Variants in PALM2AKAP2 observed in about 807,000 individuals in gnomAD.
PALM2AKAP2 encodes PALM2-AKAP2 fusion protein.
In PALM2AKAP2, 37 loss-of-function variants were observed where a neutral mutation model predicts 71.5. That is an observed-to-expected ratio of 0.52 (90% CI 0.40 to 0.68). The LOEUF is 0.68. Ranked by LOEUF, PALM2AKAP2 falls within the 30% of genes least tolerant of loss-of-function variation. The probability of loss-of-function intolerance (pLI) is 0.00; values close to 1 mark genes in which losing one functional copy is unlikely to be tolerated. For missense variants in PALM2AKAP2, 1,224 were observed against 1,191.8 expected, an observed-to-expected ratio of 1.03 and a Z score of -0.40; for synonymous variants, 468 against 478.8, an observed-to-expected ratio of 0.98 and a Z score of 0.29.
intron 1 of PALM2AKAP2, among the ~76,000 whole-genome samples, chr9:109,761,151 T>G (rs1380991014): frequency 6.6e-6 from 1 of 152,212 alleles, no homozygotes; most frequent in African/African-American, 2.4e-5. Context: ...AGGCTATACA[T>G]AAAATGGTTT....
rs533594522 is a variant in PALM2AKAP2, at chr9:109,947,797, A to G, written c.496+15769A>G. ...ATCATTCCAAAGTGAGCCATTTCAC[A>G]TTGCATTTTTGCCACATGCACATTT... On this transcript the variant is annotated intron_variant, in intron 6 of 9. Coordinates refer to the PALM2AKAP2 transcript ENST00000302798. Among the ~76,000 whole-genome samples, 5 of 152,340 alleles carry G rather than the reference A, an allele frequency of 3.3e-5. No individual in the cohort carries two copies. The South Asian group carries it at 1.0e-3, about 32-fold the overall frequency.
At chr9:109,789,387 C>T (rs771215461) in intron 1 of PALM2AKAP2, among the ~76,000 whole-genome samples, 1 of 152,168 alleles carries the variant, frequency 6.6e-6, no homozygotes, top group Non-Finnish European at 1.5e-5. Flanking sequence ...GAAGCAGCAA[C>T]TGATGTTCAT....
At chr9:109,906,599 CTATAA>C (rs1830452224) in intron 3 of PALM2AKAP2, among the ~76,000 whole-genome samples, 1 of 152,220 alleles carries the variant, frequency 6.6e-6, no homozygotes, top group African/African-American at 2.4e-5. Flanking sequence ...CATCATTATA[CTATAA>C]AAATCAATAA....
chr9:109,720,667 T>C (rs917898410), intron 1 of PALM2AKAP2, among the ~76,000 whole-genome samples: 1 of 152,192 alleles, frequency 6.6e-6, no homozygotes, highest in Non-Finnish European at 1.5e-5. Context: ...ACTTACACAG[T>C]GATTTAAAGT....
chr9:109,977,670 C>T (rs1832194731), intron 6 of PALM2AKAP2, among the ~76,000 whole-genome samples: 1 of 152,208 alleles, frequency 6.6e-6, no homozygotes, highest in South Asian at 2.1e-4. Flanking sequence ...CATTTACTGA[C>T]ATACATATCC....
chr9:110,161,171 C>T (rs1348466268), intron 3 of PALM2AKAP2, among the ~76,000 whole-genome samples: 1 of 152,198 alleles, frequency 6.6e-6, no homozygotes. Context: ...TGTCAGCTCC[C>T]AGCCATTAGC....
At chr9:109,740,677 C>T (rs2476931) in intron 1 of PALM2AKAP2, among the ~76,000 whole-genome samples, 22,347 of 152,152 alleles carry the variant, frequency 0.15, 2,059 homozygotes, top group Non-Finnish European at 0.21. Context: ...TCTTTTTAGA[C>T]GGAGTCTCAC....
chr9:109,740,531 C>A (rs555412729), intron 1 of PALM2AKAP2, among the ~76,000 whole-genome samples: 1 of 152,172 alleles, frequency 6.6e-6, no homozygotes, highest in Admixed American at 6.5e-5. Flanking sequence ...GGAGACTGCT[C>A]GGTATGTCCA....
intron 1 of PALM2AKAP2, among the ~76,000 whole-genome samples, chr9:109,760,844 T>C (rs1829039995): frequency 6.6e-6 from 1 of 152,238 alleles, no homozygotes; most frequent in Non-Finnish European, 1.5e-5. Flanking sequence ...TGGGAGTTTT[T>C]TTCAACTGTT....
rs142667306 is a variant in PALM2AKAP2 at position 110,156,589 on chromosome 9, G to A, written c.2748+92G>A. 2.1e-4 allele frequency: 301 copies of A among 1,424,112 alleles called. 2 individuals are homozygous for A. The African/African-American group carries it at 3.8e-3, about 18-fold the overall frequency. The allele number at this position is 1,424,112 out of a possible 1,614,324, so 88.2% of individuals were successfully genotyped here. ...CAGTTCAGGCACAAATGTGTATGTC[G>A]TTGTCTGGTCAGCATTAGGGTTCCA... On this transcript the variant is annotated intron_variant, in intron 3 of 3. Transcript: ENST00000374525.
intron 2 of PALM2AKAP2, among the ~76,000 whole-genome samples, chr9:110,146,273 C>T (rs1318610098): frequency 2.6e-5 from 4 of 152,160 alleles, no homozygotes; most frequent in African/African-American, 9.7e-5. Context: ...GTTACAGCTT[C>T]TGGGCAGCAG....
chr9:109,794,953 C>T (rs1044956260), intron 1 of PALM2AKAP2, among the ~76,000 whole-genome samples: 1 of 152,210 alleles, frequency 6.6e-6, no homozygotes, highest in African/African-American at 2.4e-5. Context: ...GATGGACAGC[C>T]TTTGCTTTTC....
chr9:109,937,484 C>A (rs936020690), intron 6 of PALM2AKAP2, among the ~76,000 whole-genome samples: 44 of 152,062 alleles, frequency 2.9e-4, no homozygotes, highest in African/African-American at 9.9e-4. Context: ...TAGCAACATT[C>A]GTTCTTACTC....
intron 6 of PALM2AKAP2, among the ~76,000 whole-genome samples, chr9:109,965,457 A>C (rs1328353307): frequency 6.6e-6 from 1 of 152,254 alleles, no homozygotes; most frequent in Non-Finnish European, 1.5e-5. Flanking sequence ...ACCATGAAAC[A>C]TAGTGCTAAG....
chr9:109,918,373 C>T lies in PALM2AKAP2; in HGVS notation c.258-5362C>T, dbSNP rs117024224. 2.0e-4 allele frequency among the ~76,000 whole-genome samples: 30 copies of T among 152,332 alleles called. No individual in the cohort carries two copies. The East Asian group carries it at 5.2e-3, about 26-fold the overall frequency. The stretch of plus-strand genomic sequence containing the variant: ...CATTTGGCCATGATTGCAACCTCAT[C>T]TCCAGTAAATTAAACCTACACAGCT... On this transcript the variant is annotated intron_variant, in intron 3 of 9. Transcript: ENST00000302798.
rs998476268 is a variant in PALM2AKAP2 at position 110,022,280 on chromosome 9, T to G, written c.582+6241T>G. ...TTTGCACGGTGGTGGGAAGATTGCT[T>G]GAGCCCAGGATTTCAACCCTAGCCT... On this transcript the variant is annotated intron_variant, in intron 7 of 9. Coordinates refer to the PALM2AKAP2 transcript ENST00000302798. Among the ~76,000 whole-genome samples the G allele has an allele frequency of 4.3e-4, 66 of 152,148 alleles. 2 individuals carry two copies. Among genetic ancestry groups the G allele is most frequent in the Non-Finnish European group, 1.9e-4 (13 of 68,024 alleles).
At chr9:109,904,282 C>G (rs890398759) in intron 3 of PALM2AKAP2, among the ~76,000 whole-genome samples, 11 of 152,144 alleles carry the variant, frequency 7.2e-5, no homozygotes, top group African/African-American at 2.7e-4. Flanking sequence ...TTTAGATTCC[C>G]TTTTGCCTTC....
intron 1 of PALM2AKAP2, among the ~76,000 whole-genome samples, chr9:110,053,312 G>A (rs1833749464): frequency 6.6e-6 from 1 of 152,110 alleles, no homozygotes; most frequent in Non-Finnish European, 1.5e-5. Flanking sequence ...AATCACTTGA[G>A]GTCAGGATTT....
intron 1 of PALM2AKAP2, among the ~76,000 whole-genome samples, chr9:109,839,411 A>G (rs1828586503): frequency 6.6e-6 from 1 of 152,222 alleles, no homozygotes; most frequent in African/African-American, 2.4e-5. Flanking sequence ...TATTTATGAC[A>G]AACCCACAGC....
Sources: gnomAD v4.1 joint callset for allele counts (sites outside exome capture counted in the v4.1 genomes callset) on GRCh38, gnomAD v4.1.1 for gene constraint, MANE v1.5 for transcripts, NCBI Gene and HGNC (gene_info 2026-07-23, HGNC 2026-07-21) for gene names.